The following ROBO2 variants were observed in gnomAD, a reference collection of about 807,000 sequenced individuals.
The protein encoded by ROBO2 is roundabout guidance receptor 2, also known as roundabout homolog 2.
ROBO2 carries 53 observed loss-of-function variants against 160.8 expected under a neutral mutation model. The observed-to-expected ratio is 0.33, with a 90% CI of 0.26 to 0.41. The LOEUF (loss-of-function observed/expected upper bound fraction) is 0.41. ROBO2 is among the 10% of genes least tolerant of loss of function. The pLI, the probability that ROBO2 is intolerant of heterozygous loss-of-function variation, is 1.00. For missense variants in ROBO2, 1,577 were observed against 1,722.4 expected (o/e 0.92, Z 1.49); for synonymous variants, 664 against 611.7 (o/e 1.09, Z -1.26).
At chr3:77,305,872 A>G (rs1438536337) in intron 2 of ROBO2, among the ~76,000 whole-genome samples, 1 of 152,206 alleles carries the variant, frequency 6.6e-6, no homozygotes, top group African/African-American at 2.4e-5. Context: ...GTGAACCTGA[A>G]TATCTACATA....
chr3:76,906,935 T>C (rs905073401), intron 2 of ROBO2, among the ~76,000 whole-genome samples: 1 of 152,184 alleles, frequency 6.6e-6, no homozygotes, highest in Admixed American at 6.5e-5. Flanking sequence ...TTAGACTTTA[T>C]GAAAAATGTT....
chr3:77,533,954 T>C (rs1048983403), intron 6 of ROBO2, among the ~76,000 whole-genome samples: 4 of 152,038 alleles, frequency 2.6e-5, no homozygotes, highest in Non-Finnish European at 5.9e-5. Context: ...TCTACAGTTA[T>C]GTCTCATATT....
intron 2 of ROBO2, among the ~76,000 whole-genome samples, chr3:76,383,033 TAAAG>T (rs1232910623): frequency 2.0e-5 from 3 of 152,112 alleles, no homozygotes; most frequent in African/African-American, 2.4e-5. Context: ...CAGAGACAAA[TAAAG>T]AAGAGTTTGA....
chr3:77,419,310 G>A (rs1396782322), intron 2 of ROBO2, among the ~76,000 whole-genome samples: 4 of 151,982 alleles, frequency 2.6e-5, no homozygotes, highest in Admixed American at 6.6e-5. Flanking sequence ...ATAGTTAAGC[G>A]TTTCACATGT....
chr3:77,483,451 A>T (rs2084947667), intron 4 of ROBO2, among the ~76,000 whole-genome samples: 1 of 151,906 alleles, frequency 6.6e-6, no homozygotes, highest in African/African-American at 2.4e-5. Context: ...TTTCCAATAC[A>T]ACTCTTTATA....
chr3:77,425,020 T>A lies in ROBO2; in HGVS notation c.389-52394T>A, dbSNP rs80191033. ...AATACCATAGATAAAGAGAGATACA[T>A]ATATATGACGTAGTATTTGAGTGAG... On this transcript the variant is annotated intron_variant, in intron 2 of 25. Coordinates refer to ENST00000461745, the Ensembl canonical transcript of ROBO2. Among the ~76,000 whole-genome samples the A allele has an allele frequency of 3.8e-3, 586 of 152,256 alleles. 3 individuals carry two copies. Among genetic ancestry groups the A allele is most frequent in the Middle Eastern group, 0.02 (6 of 294 alleles).
At chr3:77,480,449 T>C (rs1486195969) in intron 3 of ROBO2, among the ~76,000 whole-genome samples, 1 of 152,180 alleles carries the variant, frequency 6.6e-6, no homozygotes, top group African/African-American at 2.4e-5. Context: ...TAAGAAATCT[T>C]GAAGGGGAAC....
intron 2 of ROBO2, among the ~76,000 whole-genome samples, chr3:76,645,715 G>A (rs565798232): frequency 4.6e-5 from 7 of 152,116 alleles, no homozygotes; most frequent in Non-Finnish European, 1.0e-4. Context: ...AAAATTTTTG[G>A]AGTAAATGAA....
chr3:76,830,384 G>T lies in ROBO2; in HGVS notation c.110-267630G>T, dbSNP rs537481305. On this transcript the variant is annotated intron_variant, in intron 2 of 26. Transcript: ENST00000487694. The stretch of plus-strand genomic sequence containing the variant: ...TATTGTTCTAATTCCTTTGCATAAG[G>T]TTTTCCCCTTTCTAGTTTTTCTCTT... 5.9e-5 allele frequency among the ~76,000 whole-genome samples: 9 copies of T among 152,032 alleles called. No homozygotes were observed. The East Asian group carries it at 1.2e-3, about 20-fold the overall frequency.
At chr3:76,484,696 C>A (rs2079395658) in intron 2 of ROBO2, among the ~76,000 whole-genome samples, 2 of 152,118 alleles carry the variant, frequency 1.3e-5, no homozygotes, top group African/African-American at 4.8e-5. Context: ...ATTTCTGCTG[C>A]TTTATTATAC....
chr3:75,924,889 C>T lies in ROBO2; in HGVS notation c.-13-12592C>T, dbSNP rs369430001. On this transcript the variant is annotated intron_variant, in intron 1 of 26. Transcript: ENST00000487694. ...ATTTTTAGTAGAGACGGGGTTTCAC[C>T]GTGTTAGCCAGGATGGTCTCGATCT... 5.7e-4 allele frequency among the ~76,000 whole-genome samples: 85 copies of T among 149,426 alleles called. No homozygotes were observed. The East Asian group carries it at 0.013, about 23-fold the overall frequency.
chr3:77,623,376 C>A (rs1210219588), intron 23 of ROBO2, among the ~76,000 whole-genome samples: 6 of 152,150 alleles, frequency 3.9e-5, no homozygotes, highest in Admixed American at 3.9e-4. Context: ...CACAATCCCG[C>A]TTAATTCATT....
chr3:76,871,483 G>A (rs1037209921), intron 2 of ROBO2, among the ~76,000 whole-genome samples: 41 of 149,562 alleles, frequency 2.7e-4, no homozygotes, highest in Non-Finnish European at 5.4e-4. Context: ...GAACCCGGGA[G>A]GCGGAGCTTG....
intron 2 of ROBO2, among the ~76,000 whole-genome samples, chr3:77,248,792 T>A (rs2090031030): frequency 6.6e-6 from 1 of 151,916 alleles, no homozygotes; most frequent in East Asian, 1.9e-4. Flanking sequence ...TTTTTTTTTT[T>A]TTTGAAGGAA....
At chr3:76,845,727 C>T (rs543412467) in intron 2 of ROBO2, among the ~76,000 whole-genome samples, 56 of 152,166 alleles carry the variant, frequency 3.7e-4, no homozygotes, top group Middle Eastern at 3.4e-3. Context: ...CATTTCTCTA[C>T]TTTCATACTT....
chr3:76,458,869 C>T (rs1172308802), intron 2 of ROBO2, among the ~76,000 whole-genome samples: 3 of 152,136 alleles, frequency 2.0e-5, no homozygotes, highest in African/African-American at 7.2e-5. Flanking sequence ...GACCAGCCCC[C>T]ATGATTGAAT....
intron 2 of ROBO2, among the ~76,000 whole-genome samples, chr3:76,568,888 A>G (rs1029170803): frequency 2.6e-5 from 4 of 152,218 alleles, no homozygotes; most frequent in Non-Finnish European, 5.9e-5. Context: ...AATATATTTT[A>G]GAATTGATAT....
At chr3:76,431,078 C>T (rs1164838464) in intron 2 of ROBO2, among the ~76,000 whole-genome samples, 1 of 151,950 alleles carries the variant, frequency 6.6e-6, no homozygotes, top group Non-Finnish European at 1.5e-5. Flanking sequence ...GTAGAAGAAA[C>T]AGTTTACTAT....
At chr3:77,366,913 C>A (rs1277359798) in intron 2 of ROBO2, among the ~76,000 whole-genome samples, 1 of 149,304 alleles carries the variant, frequency 6.7e-6, no homozygotes, top group East Asian at 2.1e-4. Flanking sequence ...CACTCACAGT[C>A]CCCTGGAATT....
Sources: gnomAD v4.1 joint callset for allele counts (sites outside exome capture counted in the v4.1 genomes callset) on GRCh38, gnomAD v4.1.1 for gene constraint, MANE v1.5 for transcripts, NCBI Gene and HGNC (gene_info 2026-07-23, HGNC 2026-07-21) for gene names.